The following CCND2 variants were observed in gnomAD, a reference collection of about 807,000 sequenced individuals.
CCND2 encodes G1/S-specific cyclin-D2.
CCND2 carries 6 observed loss-of-function variants against 30.2 expected under a neutral mutation model. The observed-to-expected ratio is 0.20, with a 90% CI of 0.11 to 0.39. The LOEUF (loss-of-function observed/expected upper bound fraction) is 0.39, where lower values mean the gene tolerates loss of function less well. Among genes scored for constraint, CCND2 ranks in the 10% least tolerant of loss-of-function variants. The pLI, the probability that CCND2 is intolerant of heterozygous loss-of-function variation, is 1.00. For synonymous variants in CCND2, 150 were observed against 153.1 expected (o/e 0.98, Z 0.15); for missense variants, 235 against 373.4 (o/e 0.63, Z 3.06).
intron 3 of CCND2, among the ~76,000 whole-genome samples, chr12:4,281,870 T>C (rs1221060044): frequency 6.9e-6 from 1 of 145,828 alleles, no homozygotes; most frequent in Non-Finnish European, 1.5e-5. Context: ...CCTTCCCTGC[T>C]CAGCCTAAAA....
intron 3 of CCND2, 39 bp downstream of exon 3, chr12:4,278,958 C>T (rs762037376): frequency 1.3e-6 from 2 of 1,584,074 alleles, no homozygotes; most frequent in Admixed American, 1.7e-5. Flanking sequence ...GATGGGGGAG[C>T]TCTTTTGGGA....
At position 4,302,975 on chromosome 12, in the gene CCND2, C is replaced by A. The variant is rs906952500; in HGVS notation, c.*2966C>A. The A allele has an allele frequency of 4.3e-6, 1 of 233,142 alleles. No individual in the cohort carries two copies. The highest frequency in any genetic ancestry group is 2.2e-5 in the African/African-American group (1 of 45,328). 14.4% of individuals were successfully genotyped at this position (233,142 alleles called of 1,614,324 possible). A position where few individuals can be genotyped will look rare whatever the true frequency, so the allele number is the denominator to read the frequency against. ...CACACTCTCCTGGGCCCCAAGGAGT[C>A]CCACGGAATGGGGAAAGCGGGAACC... is the stretch of plus-strand genomic sequence containing the variant. On this transcript the variant is annotated 3_prime_UTR_variant, in exon 5 of 5. Transcript: ENST00000261254.
At position 4,282,177 on chromosome 12, in the gene CCND2, TC is replaced by T. The variant is rs1863957286; in HGVS notation, c.571+3260del. Among the ~76,000 whole-genome samples the T allele has an allele frequency of 1.3e-5, 2 of 152,028 alleles. No homozygotes were observed. The highest frequency in any genetic ancestry group is 1.3e-4 in the Admixed American group (2 of 15,264). On this transcript the variant is annotated intron_variant, in intron 3 of 4. Coordinates refer to ENST00000261254, the MANE Select transcript of CCND2 (RefSeq NM_001759.4). The surrounding 1 kb of genome is among the most constrained non-coding windows in gnomAD (Gnocchi z 4.3). ...TGTGATACCATGCTCGGTGGATGAT[TC>T]CAGTTAGTCTAGCAGAGCCAATGGC... is the stretch of plus-strand genomic sequence containing the variant.
At position 4,274,348 on chromosome 12, in the gene CCND2, T is replaced by A; in HGVS notation, c.195+113T>A. On this transcript the variant is annotated intron_variant, in intron 1 of 4. Transcript: ENST00000261254. The surrounding 1 kb of genome is among the most constrained non-coding windows in gnomAD (Gnocchi z 7.7). Reference sequence around the variant, plus strand: ...ATCCCCGCGCCGGCCTCCCGGCTCCTGTGCGGGAGTTTACCGCGCGCCTTC... The same window carrying A: ...ATCCCCGCGCCGGCCTCCCGGCTCCAGTGCGGGAGTTTACCGCGCGCCTTC... 8 of 1,148,008 alleles carry A rather than the reference T, an allele frequency of 7.0e-6. No homozygotes were observed. Among genetic ancestry groups the A allele is most frequent in the Non-Finnish European group, 1.0e-5 (8 of 794,118 alleles). 71.1% of individuals were successfully genotyped at this position (1,148,008 alleles called of 1,614,324 possible).
In CCND2 at chr12:4,278,751, C is replaced by T. The variant is rs778869214; in HGVS notation, c.412-9C>T. ...GATTCTCCTCTTCTCTTCCTGCCTT[C>T]CCCTCCAGGAGTGGGAACTGGTGGT... is the stretch of plus-strand genomic sequence containing the variant. On this transcript the variant is annotated splice_polypyrimidine_tract_variant and intron_variant, in intron 2 of 4. Transcript: ENST00000261254. 2.7e-5 allele frequency: 44 copies of T among 1,613,548 alleles called. No homozygotes were observed. The highest frequency in any genetic ancestry group is 2.9e-5 in the Non-Finnish European group (34 of 1,179,622).
At chr12:4,297,829 G>A (rs1419481283) in intron 4 of CCND2, 1 of 452,912 alleles carries the variant, frequency 2.2e-6, no homozygotes, top group South Asian at 1.6e-5. Flanking sequence ...AGAGGTGTTA[G>A]CAAGTCCCAG....
intron 4 of CCND2, among the ~76,000 whole-genome samples, chr12:4,289,654 G>C (rs1167002122): frequency 6.6e-6 from 1 of 152,238 alleles, no homozygotes; most frequent in African/African-American, 2.4e-5. Context: ...AGAATTTGGA[G>C]CTCCTGAGAA....
At chr12:4,290,129 G>C (rs1188543216) in intron 4 of CCND2, among the ~76,000 whole-genome samples, 1 of 152,194 alleles carries the variant, frequency 6.6e-6, no homozygotes, top group South Asian at 2.1e-4. Flanking sequence ...GCTGAGGCCT[G>C]CACGAGGGAT....
In CCND2 at chr12:4,300,104, T is replaced by TAAAAAA; in HGVS notation, c.*100_*105dup. Reference sequence around the variant, plus strand: ...GTTCTTTGTGTTTTAGGGTGAAACTTAAAAAAAAAATTCTGCCCCCACCTA... The same window carrying TAAAAAA: ...GTTCTTTGTGTTTTAGGGTGAAACTTAAAAAAAAAAAAAAAATTCTGCCCCCACCTA... On this transcript the variant is annotated 3_prime_UTR_variant, in exon 5 of 5. Coordinates refer to ENST00000261254, the MANE Select transcript of CCND2 (RefSeq NM_001759.4). 8.0e-7 allele frequency: 1 copy of TAAAAAA among 1,249,570 alleles called. No individual in the cohort carries two copies. Among genetic ancestry groups the TAAAAAA allele is most frequent in the Non-Finnish European group, 1.1e-6 (1 of 942,452 alleles). The allele number at this position is 1,249,570 out of a possible 1,614,324, so 77.4% of individuals were successfully genotyped here.
Position 4,293,713 on chromosome 12 carries a change from G to A in CCND2, c.720+4723G>A, listed in dbSNP as rs377192914. 1.3e-5 allele frequency among the ~76,000 whole-genome samples: 2 copies of A among 152,202 alleles called. No homozygotes were observed. The highest frequency in any genetic ancestry group is 2.9e-5 in the Non-Finnish European group (2 of 68,030). On this transcript the variant is annotated intron_variant, in intron 4 of 4. Coordinates refer to ENST00000261254, the MANE Select transcript of CCND2 (RefSeq NM_001759.4). This position sits in a 1 kb window ranked among gnomAD's most constrained non-coding sequence, Gnocchi z 4.9. ...GAAGAAGTCTCAGTTTCGACCACAT[G>A]TGTGTGATTCATGGGGTTTAGCATT...
rs1565439263 is a variant in CCND2 at position 4,301,038 on chromosome 12, C to T, written c.*1029C>T. On this transcript the variant is annotated 3_prime_UTR_variant, in exon 5 of 5. Coordinates refer to ENST00000261254, the MANE Select transcript of CCND2 (RefSeq NM_001759.4). ...TGGTTTATGCAAGTCATGCTGAATA[C>T]TCCTCCCCTCTTCTCTTTTGCCCCC... 4.3e-6 allele frequency: 1 copy of T among 233,650 alleles called. No homozygotes were observed. Among genetic ancestry groups the T allele is most frequent in the East Asian group, 6.0e-5 (1 of 16,588 alleles). 14.5% of individuals were successfully genotyped at this position (233,650 alleles called of 1,614,324 possible). A position where few individuals can be genotyped will look rare whatever the true frequency, so the allele number is the denominator to read the frequency against.
rs367795095 is a variant in CCND2, at chr12:4,274,257, G to T, written c.195+22G>T. On this transcript the variant is annotated intron_variant, in intron 1 of 4. Transcript: ENST00000261254. This position sits in a 1 kb window ranked among gnomAD's most constrained non-coding sequence, Gnocchi z 7.7. ...GGAGGTAGGTCGGGGGGTGGCGCTC[G>T]CCAGGAGCCAGGACCCCTCCGGATG... The T allele has an allele frequency of 2.4e-5, 39 of 1,611,278 alleles. No homozygotes were observed. In the African/African-American group the frequency reaches 4.1e-4, roughly 17 times the overall value.
chr12:4,283,123 G>A (rs895469457), intron 3 of CCND2, among the ~76,000 whole-genome samples: 1 of 152,206 alleles, frequency 6.6e-6, no homozygotes, highest in Non-Finnish European at 1.5e-5. Flanking sequence ...AACTTACTTA[G>A]CTCTGAACTC....
chr12:4,292,577 C>T (rs1290332303), intron 4 of CCND2, among the ~76,000 whole-genome samples: 5 of 152,244 alleles, frequency 3.3e-5, no homozygotes, highest in Middle Eastern at 3.4e-3. Context: ...CTGAGAAAGT[C>T]GGCCTTTGTT....
chr12:4,300,577 G>A lies in CCND2; in HGVS notation c.*568G>A. 4.3e-6 allele frequency: 1 copy of A among 234,126 alleles called. No individual in the cohort carries two copies. Among genetic ancestry groups the A allele is most frequent in the Non-Finnish European group, 8.5e-6 (1 of 118,336 alleles). 14.5% of individuals were successfully genotyped at this position (234,126 alleles called of 1,614,324 possible). A position where few individuals can be genotyped will look rare whatever the true frequency, so the allele number is the denominator to read the frequency against. ...TTTGCTCTCAGCCACCTGTTACTAA[G>A]TCAGGAGTGTAGTTGGATCTCTACA... On this transcript the variant is annotated 3_prime_UTR_variant, in exon 5 of 5. Coordinates refer to ENST00000261254, the MANE Select transcript of CCND2 (RefSeq NM_001759.4).
intron 4 of CCND2, among the ~76,000 whole-genome samples, chr12:4,295,388 AGAAGAGG>A (rs1235608765): frequency 2.0e-5 from 3 of 152,220 alleles, no homozygotes; most frequent in Admixed American, 6.5e-5. Flanking sequence ...AGGTAAGTCT[AGAAGAGG>A]GTGGGGAAGG....
chr12:4,284,800 A>G (rs1370331482), intron 3 of CCND2, among the ~76,000 whole-genome samples: 1 of 149,836 alleles, frequency 6.7e-6, no homozygotes, highest in Non-Finnish European at 1.5e-5. Flanking sequence ...GCATGGCACA[A>G]TCTCTGCTCA....
chr12:4,301,649 T>C lies in CCND2; in HGVS notation c.*1640T>C, dbSNP rs1465419305. 4.3e-6 allele frequency: 1 copy of C among 230,914 alleles called. No homozygotes were observed. The highest frequency in any genetic ancestry group is 8.5e-6 in the Non-Finnish European group (1 of 117,142). The allele number at this position is 230,914 out of a possible 1,614,324, so 14.3% of individuals were successfully genotyped here. The stretch of plus-strand genomic sequence containing the variant: ...TTGAAGACGGAAAACAATCTAAGGG[T>C]CTCTCATTTTTTTAATTTTGTTTTG... On this transcript the variant is annotated 3_prime_UTR_variant, in exon 5 of 5. Coordinates refer to ENST00000261254, the MANE Select transcript of CCND2 (RefSeq NM_001759.4).
In CCND2 at chr12:4,278,647, C is replaced by T. The variant is rs71579226; in HGVS notation, c.412-113C>T. 162 of 975,232 alleles carry T rather than the reference C, an allele frequency of 1.7e-4. No individual in the cohort carries two copies. The African/African-American group carries it at 2.4e-3, about 15-fold the overall frequency. 60.4% of individuals were successfully genotyped at this position (975,232 alleles called of 1,614,324 possible). A position where few individuals can be genotyped will look rare whatever the true frequency, so the allele number is the denominator to read the frequency against. On this transcript the variant is annotated intron_variant, in intron 2 of 4. Coordinates refer to ENST00000261254, the MANE Select transcript of CCND2 (RefSeq NM_001759.4). ...TGGGCCCGCCTTACAATCTAGCAGC[C>T]ACGTCCTAATGAGCGGCCTTAAAAC...
Sources: allele counts gnomAD v4.1 joint callset (sites outside exome capture counted in the v4.1 genomes callset), GRCh38; gene constraint gnomAD v4.1.1; non-coding constraint Gnocchi (gnomAD v3.1); transcripts MANE v1.5; gene names NCBI Gene and HGNC (gene_info 2026-07-23, HGNC 2026-07-21).